The following KCNIP4 variants were observed in gnomAD, a reference collection of about 807,000 sequenced individuals.
KCNIP4 encodes the protein Kv channel-interacting protein 4.
KCNIP4 carries 12 observed loss-of-function variants against 34.0 expected under a neutral mutation model. The observed-to-expected ratio is 0.35, with a 90% CI of 0.23 to 0.57. The LOEUF (loss-of-function observed/expected upper bound fraction) is 0.57. Among genes scored for constraint, KCNIP4 ranks in the 20% least tolerant of loss-of-function variants. The pLI, the probability that KCNIP4 is intolerant of heterozygous loss-of-function variation, is 0.83. For missense variants in KCNIP4, 238 were observed against 311.7 expected (o/e 0.76, Z 1.78); for synonymous variants, 124 against 102.2 (o/e 1.21, Z -1.29).
chr4:21,787,804 T>C (rs1339343396), intron 1 of KCNIP4, among the ~76,000 whole-genome samples: 1 of 152,194 alleles, frequency 6.6e-6, no homozygotes, highest in Non-Finnish European at 1.5e-5. Flanking sequence ...TTTTTCTCTA[T>C]GTGCTTATTC....
chr4:20,797,465 G>T (rs1275043689), intron 3 of KCNIP4, among the ~76,000 whole-genome samples: 2 of 152,150 alleles, frequency 1.3e-5, no homozygotes, highest in Non-Finnish European at 2.9e-5. Context: ...TGGTGTGTAT[G>T]CCCTGCATAA....
intron 1 of KCNIP4, among the ~76,000 whole-genome samples, chr4:21,361,951 C>T (rs762968406): frequency 3.3e-5 from 5 of 151,912 alleles, no homozygotes; most frequent in Non-Finnish European, 7.4e-5. Flanking sequence ...CCTCTATAAC[C>T]CGTCACACCG....
rs373794819 is a variant in KCNIP4, at chr4:20,740,080, CTA to C, written c.430-5347_430-5346del. On this transcript the variant is annotated intron_variant, in intron 5 of 8. Coordinates refer to ENST00000382152, the MANE Select transcript of KCNIP4 (RefSeq NM_025221.6). ...AACAAAGCCTCCAGGAAATATGGGA[CTA>C]TGTGAAAAGGCCAAATCTACGTCTG... Among the ~76,000 whole-genome samples, 354 of 152,176 alleles carry C rather than the reference CTA, an allele frequency of 2.3e-3. 7 individuals are homozygous for C. In the South Asian group the frequency reaches 0.047, roughly 20 times the overall value.
At chr4:21,198,396 T>A (rs1196649978) in intron 1 of KCNIP4, among the ~76,000 whole-genome samples, 2 of 152,164 alleles carry the variant, frequency 1.3e-5, no homozygotes, top group Non-Finnish European at 2.9e-5. Context: ...TGGAAAATGA[T>A]CAGGGTGATA....
intron 1 of KCNIP4, among the ~76,000 whole-genome samples, chr4:21,686,143 T>G (rs1577842731): frequency 6.6e-6 from 1 of 152,146 alleles, no homozygotes; most frequent in Non-Finnish European, 1.5e-5. Context: ...TGTGACTGAT[T>G]TGGTAGGCAT....
chr4:21,774,832 T>C (rs1256075687), intron 1 of KCNIP4, among the ~76,000 whole-genome samples: 1 of 152,186 alleles, frequency 6.6e-6, no homozygotes, highest in Non-Finnish European at 1.5e-5. Context: ...GTTATTCTAA[T>C]TAGCAATTCA....
intron 1 of KCNIP4, among the ~76,000 whole-genome samples, chr4:21,832,776 T>G (rs1200162255): frequency 7.5e-6 from 1 of 132,512 alleles, no homozygotes; most frequent in Admixed American, 8.5e-5. Context: ...GAGTGTGATG[T>G]TCCCCTTCCT....
chr4:20,789,043 A>G (rs2149401785), intron 3 of KCNIP4, among the ~76,000 whole-genome samples: 1 of 152,208 alleles, frequency 6.6e-6, no homozygotes, highest in South Asian at 2.1e-4. Flanking sequence ...TCAAACAAAA[A>G]AACTCCCACA....
At chr4:21,539,054 C>T (rs980531267) in intron 1 of KCNIP4, among the ~76,000 whole-genome samples, 2 of 152,176 alleles carry the variant, frequency 1.3e-5, no homozygotes, top group African/African-American at 2.4e-5. Context: ...TGCTCTCTCT[C>T]GCTCCTGCCG....
chr4:20,746,246 G>A (rs551612716), intron 5 of KCNIP4, among the ~76,000 whole-genome samples: 3 of 152,154 alleles, frequency 2.0e-5, no homozygotes, highest in South Asian at 2.1e-4. Flanking sequence ...GCTGGAAACC[G>A]TCATTCTCAG....
At chr4:20,841,130 A>T (rs1719667006) in intron 3 of KCNIP4, among the ~76,000 whole-genome samples, 1 of 152,216 alleles carries the variant, frequency 6.6e-6, no homozygotes, top group Admixed American at 6.5e-5. Flanking sequence ...TTATTTTTCA[A>T]AAAAGCAAAT....
At chr4:20,838,980 T>C (rs1193332154) in intron 3 of KCNIP4, among the ~76,000 whole-genome samples, 1 of 152,174 alleles carries the variant, frequency 6.6e-6, no homozygotes, top group Non-Finnish European at 1.5e-5. Context: ...TCTCTTTTGA[T>C]TTTTGCAAAA....
chr4:21,909,944 C>T (rs1022154318), intron 1 of KCNIP4, among the ~76,000 whole-genome samples: 1 of 152,074 alleles, frequency 6.6e-6, no homozygotes, highest in African/African-American at 2.4e-5. Flanking sequence ...CACCAGGTCC[C>T]TCCCACAACA....
At chr4:21,771,965 TA>T (rs1254424473) in intron 1 of KCNIP4, among the ~76,000 whole-genome samples, 1 of 152,148 alleles carries the variant, frequency 6.6e-6, no homozygotes, top group Non-Finnish European at 1.5e-5. Flanking sequence ...CTATGTTGAA[TA>T]GGGGTGGTGA....
At chr4:21,612,253 G>C (rs553985843) in intron 1 of KCNIP4, among the ~76,000 whole-genome samples, 1 of 152,140 alleles carries the variant, frequency 6.6e-6, no homozygotes, top group Admixed American at 6.6e-5. Flanking sequence ...AACAAATGGA[G>C]CTGGGTTGCA....
chr4:20,931,407 A>G (rs1730455424), intron 1 of KCNIP4, among the ~76,000 whole-genome samples: 1 of 152,144 alleles, frequency 6.6e-6, no homozygotes, highest in South Asian at 2.1e-4. Flanking sequence ...TTTTGTCATC[A>G]TGTGAACAAC....
intron 1 of KCNIP4, among the ~76,000 whole-genome samples, chr4:21,355,215 G>A (rs948615521): frequency 1.8e-4 from 27 of 152,062 alleles, no homozygotes; most frequent in Admixed American, 3.9e-4. Context: ...GTCTAAAATT[G>A]ACAACCTAAC....
Position 20,912,540 on chromosome 4 carries a change from C to T in KCNIP4, c.62-29831G>A, listed in dbSNP as rs148140878. On this transcript the variant is annotated intron_variant, in intron 1 of 8. Transcript: ENST00000382152. Reference sequence around the variant, plus strand: ...CCAAACAAACAAATAAATTGAACATCGAAAAAATTTAAAACTTCTGTGCTT... The same window carrying T: ...CCAAACAAACAAATAAATTGAACATTGAAAAAATTTAAAACTTCTGTGCTT... 2.0e-3 allele frequency among the ~76,000 whole-genome samples: 301 copies of T among 152,012 alleles called. 2 individuals are homozygous for T. Among genetic ancestry groups the T allele is most frequent in the African/African-American group, 6.6e-3 (275 of 41,474 alleles).
chr4:21,195,314 A>G (rs563858830), intron 1 of KCNIP4, among the ~76,000 whole-genome samples: 45 of 152,338 alleles, frequency 3.0e-4, no homozygotes, highest in African/African-American at 1.0e-3. Context: ...TTGGGAATAT[A>G]TGTGTACTCA....
Sources: allele counts gnomAD v4.1 joint callset (sites outside exome capture counted in the v4.1 genomes callset), GRCh38; gene constraint gnomAD v4.1.1; transcripts MANE v1.5; gene names NCBI Gene and HGNC (gene_info 2026-07-23, HGNC 2026-07-21).